The following MARK2 variants were observed in gnomAD, a reference collection of about 807,000 sequenced individuals.
MARK2 encodes serine/threonine-protein kinase MARK2.
Under a neutral mutation model 89.8 loss-of-function variants are expected in MARK2, and 16 were observed. That is an observed-to-expected ratio of 0.18 (90% confidence interval 0.12 to 0.27). The LOEUF (loss-of-function observed/expected upper bound fraction) is 0.27, where lower values mean the gene tolerates loss of function less well. Among genes scored for constraint, MARK2 ranks in the 10% least tolerant of loss-of-function variants. The probability of loss-of-function intolerance (pLI) is 1.00; values close to 1 mark genes in which losing one functional copy is unlikely to be tolerated. For missense variants in MARK2, 621 were observed against 1,049.9 expected, an observed-to-expected ratio of 0.59 and a Z score of 5.65; for synonymous variants, 382 against 399.5, an observed-to-expected ratio of 0.96 and a Z score of 0.52.
Position 63,902,442 on chromosome 11 carries a change from T to G in MARK2, c.1234+112T>G, listed in dbSNP as rs959558560. The G allele has an allele frequency of 2.1e-5, 31 of 1,464,432 alleles. No individual in the cohort carries two copies. Among genetic ancestry groups the G allele is most frequent in the South Asian group, 4.8e-5 (4 of 83,358 alleles). 90.7% of individuals were successfully genotyped at this position (1,464,432 alleles called of 1,614,324 possible). A position where few individuals can be genotyped will look rare whatever the true frequency, so the allele number is the denominator to read the frequency against. ...GTTTCAGTCCTGGTTCAGCCACTTA[T>G]TAGTAGTGTGGCTATGGGCAAGCCA... On this transcript the variant is annotated intron_variant, in intron 12 of 18. Coordinates refer to ENST00000402010, the MANE Select transcript of MARK2 (RefSeq NM_001039469.3). The surrounding 1 kb of genome is among the most constrained non-coding windows in gnomAD (Gnocchi z 4.2).
Position 63,902,324 on chromosome 11 carries a change from G to A in MARK2, c.1228G>A (p.Asp410Asn), listed in dbSNP as rs779282714. The change falls in exon 12 of 19, where the codon GAC becomes AAC. Residue 410 changes from aspartate to asparagine, a missense_variant. By Grantham distance (23) the Asp-to-Asn change is conservative (BLOSUM62 1). Around this residue, in one of 5 missense-constraint regions of MARK2, gnomAD observed 397 missense variants for 567.8 expected, o/e 0.70. Coordinates refer to ENST00000402010, the MANE Select transcript of MARK2 (RefSeq NM_001039469.3). This position sits in a 1 kb window ranked among gnomAD's most constrained non-coding sequence, Gnocchi z 4.2. ...CAATCCCAAGCAGCGGCGCTTCAGC[G>A]ACCAGGGTAAATGCTTTTGGGAGTT... The part of the protein sequence containing the change: ...SANPKQRRFS[D>N]QAAGPAIPTS... 1.9e-6 allele frequency: 3 copies of A among 1,613,990 alleles called. No individual in the cohort carries two copies. Among genetic ancestry groups the A allele is most frequent in the African/African-American group, 1.3e-5 (1 of 75,036 alleles).
intron 1 of MARK2, among the ~76,000 whole-genome samples, chr11:63,893,902 C>T (rs529500699): frequency 1.3e-5 from 2 of 152,318 alleles, no homozygotes; most frequent in South Asian, 2.1e-4. Flanking sequence ...TGGGTCCCAT[C>T]CCTGAGATAT....
chr11:63,908,213 G>A (rs1272523454), intron 17 of MARK2, 47 bp from the exon 18 acceptor site: 1 of 1,526,558 alleles, frequency 6.6e-7, no homozygotes. Context: ...GCGGCGGAAG[G>A]AGCGAGAGAT....
At chr11:63,898,077 C>T (rs1376864946) in intron 3 of MARK2, among the ~76,000 whole-genome samples, 155 bp from the exon 4 acceptor site, 1 of 152,194 alleles carries the variant, frequency 6.6e-6, no homozygotes, top group Non-Finnish European at 1.5e-5. Flanking sequence ...TTCCCAGCCA[C>T]AGGGAAGGCC....
At chr11:63,894,517 A>T (rs1590662289) in intron 1 of MARK2, among the ~76,000 whole-genome samples, 2 of 152,118 alleles carry the variant, frequency 1.3e-5, no homozygotes, top group South Asian at 4.1e-4. Flanking sequence ...ACCAACATGG[A>T]GAAACCCTAT....
At chr11:63,850,496 G>GA (rs1056464273) in intron 1 of MARK2, among the ~76,000 whole-genome samples, 2 of 150,482 alleles carry the variant, frequency 1.3e-5, no homozygotes, top group African/African-American at 2.4e-5. Flanking sequence ...TCACCTATCT[G>GA]AAAAAAAATG....
chr11:63,905,962 T>C, intron 16 of MARK2, 126 bp from the exon 17 acceptor site: 1 of 699,234 alleles, frequency 1.4e-6, no homozygotes, highest in Non-Finnish European at 2.0e-6. Context: ...TGAGCGGCTC[T>C]TCCGAAAATG....
intron 1 of MARK2, among the ~76,000 whole-genome samples, chr11:63,892,406 G>A (rs1297226584): frequency 1.3e-5 from 2 of 152,136 alleles, no homozygotes; most frequent in Non-Finnish European, 2.9e-5. Flanking sequence ...AAAGCATCTG[G>A]TTGAGCTAGC....
chr11:63,872,631 TAGG>T (rs760803495), intron 1 of MARK2, among the ~76,000 whole-genome samples: 72 of 152,148 alleles, frequency 4.7e-4, no homozygotes, highest in Non-Finnish European at 7.6e-4. Context: ...CTAGTTCTGA[TAGG>T]AGTACCATTC....
chr11:63,906,047 TTTC>T (rs1300634825), intron 16 of MARK2, 38 bp from the exon 17 acceptor site: 1 of 1,351,824 alleles, frequency 7.4e-7, no homozygotes, highest in South Asian at 2.1e-5. Flanking sequence ...TTTTTTTTTA[TTTC>T]TTTTTTTATT....
chr11:63,895,272 C>T lies in MARK2; in HGVS notation c.168C>T (p.Leu56=). 6.2e-7 allele frequency: 1 copy of T among 1,614,154 alleles called. No homozygotes were observed. The highest frequency in any genetic ancestry group is 8.5e-7 in the Non-Finnish European group (1 of 1,180,032). Residue 56 remains leucine (L), a synonymous_variant, in exon 2 of 19, where the codon CTC becomes CTT. Coordinates refer to ENST00000402010, the MANE Select transcript of MARK2 (RefSeq NM_001039469.3). ...CCCACATTGGAAACTACCGGCTCCT[C>T]AAGACCATTGGCAAGGGTAATTTTG... is the stretch of plus-strand genomic sequence containing the variant. ...EQPHIGNYRL[L]KTIGKGNFAK...
intron 1 of MARK2, among the ~76,000 whole-genome samples, chr11:63,842,546 C>T (rs2016073319): frequency 6.6e-6 from 1 of 152,136 alleles, no homozygotes; most frequent in Non-Finnish European, 1.5e-5. Context: ...AGACAAGCAG[C>T]AGCTCCTCAG....
At chr11:63,901,302 C>T (rs1024971115) in intron 11 of MARK2, among the ~76,000 whole-genome samples, 1 of 152,000 alleles carries the variant, frequency 6.6e-6, no homozygotes, top group Non-Finnish European at 1.5e-5. Context: ...AGTTTCAATA[C>T]GGGTGAGTTG....
At chr11:63,844,943 A>G (rs1378456592) in intron 1 of MARK2, among the ~76,000 whole-genome samples, 2 of 152,092 alleles carry the variant, frequency 1.3e-5, no homozygotes, top group Non-Finnish European at 2.9e-5. Flanking sequence ...TGAATATTTT[A>G]TGTCTAGAGT....
At chr11:63,854,217 T>TGTGTGTGA (rs1474907687) in intron 1 of MARK2, among the ~76,000 whole-genome samples, 1 of 121,122 alleles carries the variant, frequency 8.3e-6, no homozygotes, top group African/African-American at 3.0e-5. Flanking sequence ...TGTGTGTGTG[T>TGTGTGTGA]GTGACAAGGT....
chr11:63,881,535 G>A (rs925066049), intron 1 of MARK2, among the ~76,000 whole-genome samples: 25 of 152,180 alleles, frequency 1.6e-4, no homozygotes, highest in African/African-American at 6.0e-4. Flanking sequence ...CCTAAGTATT[G>A]TAACATGGGT....
intron 17 of MARK2, among the ~76,000 whole-genome samples, chr11:63,906,904 C>T (rs1020508657): frequency 1.3e-5 from 2 of 149,518 alleles, no homozygotes; most frequent in Non-Finnish European, 3.0e-5. Flanking sequence ...CCAGATATGG[C>T]CTGTCTCTTC....
At chr11:63,856,334 T>TA (rs2016846054) in intron 1 of MARK2, among the ~76,000 whole-genome samples, 2 of 111,342 alleles carry the variant, frequency 1.8e-5, no homozygotes, top group African/African-American at 2.8e-5. Context: ...TTTTTTTTTT[T>TA]TTTAAATATA....
At chr11:63,908,588 G>A (rs902425368) in intron 18 of MARK2, among the ~76,000 whole-genome samples, 8 of 152,160 alleles carry the variant, frequency 5.3e-5, no homozygotes, top group East Asian at 1.9e-4. Flanking sequence ...CCCTGTGCTC[G>A]GAGGCTTCTT....
Sources: allele counts gnomAD v4.1 joint callset (sites outside exome capture counted in the v4.1 genomes callset), GRCh38; gene constraint gnomAD v4.1.1; regional missense constraint gnomAD v4.1.1; non-coding constraint Gnocchi (gnomAD v3.1); transcripts MANE v1.5; gene names NCBI Gene and HGNC (gene_info 2026-07-23, HGNC 2026-07-21).